Variants in WDR64 observed in about 807,000 individuals in gnomAD.
The protein encoded by WDR64 is WD repeat domain 64.
A neutral mutation model predicts 139.3 loss-of-function variants in WDR64; 112 were observed. That is an observed-to-expected ratio of 0.80 (90% CI 0.69 to 0.94). WDR64 has a LOEUF of 0.94. Ranked by LOEUF, WDR64 falls within the 40% of genes least tolerant of loss-of-function variation. WDR64 has a pLI of 0.00. For missense variants in WDR64, 1,206 were observed against 1,293.1 expected (o/e 0.93, Z 1.03); for synonymous variants, 444 against 437.7 (o/e 1.01, Z -0.18).
At chr1:241,754,904 C>CT (rs1558508896) in intron 14 of WDR64, among the ~76,000 whole-genome samples, 1 of 152,108 alleles carries the variant, frequency 6.6e-6, no homozygotes, top group Non-Finnish European at 1.5e-5. Context: ...TGAACTCATT[C>CT]TTTTTTTATG....
intron 8 of WDR64, among the ~76,000 whole-genome samples, chr1:241,701,202 C>T (rs72768076): frequency 0.017 from 2,597 of 152,292 alleles, 40 homozygotes; most frequent in Non-Finnish European, 0.029. Flanking sequence ...AGTTGAGTTA[C>T]GCACATTTTC....
intron 7 of WDR64, among the ~76,000 whole-genome samples, chr1:241,685,243 T>C (rs993088309): frequency 6.6e-6 from 1 of 151,406 alleles, no homozygotes; most frequent in Non-Finnish European, 1.5e-5. Context: ...TTCAAGGATG[T>C]TCAGTAAATC....
chr1:241,756,186 T>A (rs1241784747), intron 14 of WDR64, among the ~76,000 whole-genome samples: 2 of 152,198 alleles, frequency 1.3e-5, no homozygotes, highest in East Asian at 3.8e-4. Flanking sequence ...GATCTTCCTA[T>A]CCATGAGCAT....
chr1:241,747,880 G>A (rs1482840280), intron 13 of WDR64, among the ~76,000 whole-genome samples: 1 of 152,218 alleles, frequency 6.6e-6, no homozygotes, highest in African/African-American at 2.4e-5. Context: ...CTGGCATTCA[G>A]GTGGGTGAGA....
intron 22 of WDR64, among the ~76,000 whole-genome samples, chr1:241,783,029 C>T (rs185648384): frequency 1.4e-4 from 21 of 152,224 alleles, no homozygotes; most frequent in Non-Finnish European, 2.6e-4. Context: ...GATAAATTGC[C>T]AGAGACATAA....
chr1:241,754,266 G>A (rs562832748), intron 14 of WDR64, among the ~76,000 whole-genome samples: 92 of 150,756 alleles, frequency 6.1e-4, no homozygotes, highest in African/African-American at 2.1e-3. Flanking sequence ...TATACTTTGA[G>A]GTCTGGGATA....
chr1:241,731,711 T>G (rs910384604), intron 10 of WDR64, among the ~76,000 whole-genome samples: 1 of 152,202 alleles, frequency 6.6e-6, no homozygotes, highest in African/African-American at 2.4e-5. Flanking sequence ...AGTTTGGTAA[T>G]TAAAAAGTTA....
At position 241,735,531 on chromosome 1, in the gene WDR64, C is replaced by CCCTTTTTTTTTTTTTTT. The variant is rs1296893731; in HGVS notation, c.1195-2832_1195-2831insCCTTTTTTTTTTTTTTT. On this transcript the variant is annotated intron_variant, in intron 10 of 27. Coordinates refer to ENST00000437684, the MANE Select transcript of WDR64 (RefSeq NM_001367482.1). ...TAGTTCTCTGTCTCTCTCTCTCTCTCTCTTTTTTTTTTTTTTTTTTTGATA... is the reference window on the plus strand; with the variant it reads ...TAGTTCTCTGTCTCTCTCTCTCTCTCCCTTTTTTTTTTTTTTTTCTTTTTTTTTTTTTTTTTTTGATA... Among the ~76,000 whole-genome samples, 7 of 96,778 alleles carry CCCTTTTTTTTTTTTTTT rather than the reference C, an allele frequency of 7.2e-5. 1 individual carries two copies. The highest frequency in any genetic ancestry group is 2.9e-4 in the African/African-American group (7 of 24,378). 63.5% of individuals were successfully genotyped at this position (96,778 alleles called of 152,430 possible).
At chr1:241,780,101 C>T (rs375203844) in intron 22 of WDR64, 39 bp downstream of exon 22, 47 of 1,498,208 alleles carry the variant, frequency 3.1e-5, no homozygotes, top group Admixed American at 1.4e-4. Flanking sequence ...TATGAGTCAG[C>T]ATATATTTAT....
At chr1:241,711,607 G>T (rs564770803) in intron 8 of WDR64, among the ~76,000 whole-genome samples, 195 bp from the exon 9 acceptor site, 1 of 152,102 alleles carries the variant, frequency 6.6e-6, no homozygotes, top group East Asian at 1.9e-4. Context: ...AGTACTACGC[G>T]AATATCACCA....
intron 1 of WDR64, among the ~76,000 whole-genome samples, chr1:241,655,092 A>T (rs944480139): frequency 6.6e-6 from 1 of 152,148 alleles, no homozygotes; most frequent in Non-Finnish European, 1.5e-5. Context: ...TATTACTGTA[A>T]TAGTCTTCTT....
chr1:241,778,162 T>C (rs1398309666), intron 21 of WDR64, among the ~76,000 whole-genome samples: 1 of 152,186 alleles, frequency 6.6e-6, no homozygotes, highest in Non-Finnish European at 1.5e-5. Context: ...TGCTGTCCTA[T>C]AAGTATTTTG....
chr1:241,790,785 T>C (rs1199734058), intron 25 of WDR64, 89 bp downstream of exon 25: 2 of 933,894 alleles, frequency 2.1e-6, no homozygotes, highest in Non-Finnish European at 1.6e-6. Flanking sequence ...TCCAGTAATA[T>C]AACATATTAA....
intron 15 of WDR64, among the ~76,000 whole-genome samples, chr1:241,758,408 A>G (rs12756862): frequency 0.13 from 19,974 of 151,114 alleles, 1,666 homozygotes; most frequent in Non-Finnish European, 0.19. Flanking sequence ...TGCTTCATTT[A>G]TTACTGGAAC....
chr1:241,757,888 TA>T (rs1353662727), intron 15 of WDR64, among the ~76,000 whole-genome samples: 1 of 152,140 alleles, frequency 6.6e-6, no homozygotes, highest in African/African-American at 2.4e-5. Flanking sequence ...ATAATACCAT[TA>T]TTTTCTAAAA....
intron 8 of WDR64, among the ~76,000 whole-genome samples, chr1:241,698,681 A>G (rs1194303010): frequency 6.6e-6 from 1 of 152,002 alleles, no homozygotes; most frequent in Non-Finnish European, 1.5e-5. Context: ...TACCCTCCCC[A>G]TTCTTCCTCT....
At chr1:241,791,279 C>G (rs1372767454) in intron 25 of WDR64, among the ~76,000 whole-genome samples, 1 of 152,046 alleles carries the variant, frequency 6.6e-6, no homozygotes, top group African/African-American at 2.4e-5. Context: ...TAGCGAGACT[C>G]CCTCTCAAAA....
chr1:241,707,340 A>G (rs1043345375), intron 8 of WDR64, among the ~76,000 whole-genome samples: 4 of 152,068 alleles, frequency 2.6e-5, no homozygotes, highest in African/African-American at 9.7e-5. Flanking sequence ...TACCTTGAGT[A>G]TTTCCCTTTT....
chr1:241,682,380 G>A (rs1666835487), intron 6 of WDR64, among the ~76,000 whole-genome samples: 1 of 152,132 alleles, frequency 6.6e-6, no homozygotes, highest in South Asian at 2.1e-4. Flanking sequence ...TGTTGAATAG[G>A]GTGTCCTTTT....
Sources: allele counts gnomAD v4.1 joint callset (sites outside exome capture counted in the v4.1 genomes callset), GRCh38; gene constraint gnomAD v4.1.1; transcripts MANE v1.5; gene names NCBI Gene and HGNC (gene_info 2026-07-23, HGNC 2026-07-21).